CNBD1: variants seen among roughly 807,000 people sequenced by gnomAD.
CNBD1 encodes the protein cyclic nucleotide binding domain containing 1, also known as cyclic nucleotide-binding domain-containing protein 1.
CNBD1 carries 71 observed loss-of-function variants against 54.4 expected under a neutral mutation model. The observed-to-expected ratio is 1.30, with a 90% CI of 1.08 to 1.59. CNBD1 has a LOEUF of 1.59. CNBD1 is among the 40% of genes most tolerant of loss of function. CNBD1 has a pLI of 0.00. For missense variants in CNBD1, 659 were observed against 518.0 expected (o/e 1.27, Z -2.64); for synonymous variants, 182 against 170.7 (o/e 1.07, Z -0.51).
chr8:87,354,568 C>T (rs1473286526), intron 10 of CNBD1, among the ~76,000 whole-genome samples: 1 of 151,890 alleles, frequency 6.6e-6, no homozygotes, highest in African/African-American at 2.4e-5. Context: ...CCCCCCACCC[C>T]ACAACTGTCC....
intron 2 of CNBD1, among the ~76,000 whole-genome samples, chr8:87,425,705 A>G (rs1390591853): frequency 6.7e-6 from 1 of 149,954 alleles, no homozygotes; most frequent in Non-Finnish European, 1.5e-5. Context: ...TGCTGGGAGA[A>G]CCACTGCTCT....
rs138570652 is a variant in CNBD1 at position 87,022,697 on chromosome 8, G to A, written c.431+82943G>A. 2.4e-3 allele frequency among the ~76,000 whole-genome samples: 364 copies of A among 152,194 alleles called. 1 individual carries two copies. Among genetic ancestry groups the A allele is most frequent in the Middle Eastern group, 0.02 (6 of 294 alleles). On this transcript the variant is annotated intron_variant, in intron 4 of 10. Coordinates refer to ENST00000518476, the MANE Select transcript of CNBD1 (RefSeq NM_173538.3). ...TGTAACCACTATTACTGAAACCATG[G>A]TAATGAAATCATCTTTGTTAGAATT...
chr8:87,021,620 C>G (rs1163733648), intron 4 of CNBD1, among the ~76,000 whole-genome samples: 1 of 152,192 alleles, frequency 6.6e-6, no homozygotes, highest in African/African-American at 2.4e-5. Context: ...TACCTGGAGA[C>G]ACTTTTTCTT....
intron 1 of CNBD1, among the ~76,000 whole-genome samples, chr8:86,877,757 C>A (rs1808545821): frequency 6.6e-6 from 1 of 151,982 alleles, no homozygotes; most frequent in Non-Finnish European, 1.5e-5. Flanking sequence ...AGTATTATTG[C>A]ATTATATCTT....
intron 3 of CNBD1, among the ~76,000 whole-genome samples, chr8:86,915,267 CA>C (rs146806846): frequency 0.017 from 2,532 of 152,074 alleles, 70 homozygotes; most frequent in African/African-American, 0.056. Flanking sequence ...ACTGGACATG[CA>C]AAAAGCCTGA....
At chr8:87,342,996 C>G (rs9297305) in intron 8 of CNBD1, among the ~76,000 whole-genome samples, 1 of 152,064 alleles carries the variant, frequency 6.6e-6, no homozygotes, top group East Asian at 1.9e-4. Flanking sequence ...GTCCTTCTCT[C>G]GACTGCATAA....
At chr8:87,089,177 A>T (rs957680702) in intron 4 of CNBD1, among the ~76,000 whole-genome samples, 4 of 152,164 alleles carry the variant, frequency 2.6e-5, no homozygotes, top group Non-Finnish European at 4.4e-5. Context: ...AGTGAAGTCA[A>T]TGGAATTAGA....
At chr8:87,070,777 A>T (rs1022104219) in intron 4 of CNBD1, among the ~76,000 whole-genome samples, 2 of 152,110 alleles carry the variant, frequency 1.3e-5, no homozygotes, top group Non-Finnish European at 2.9e-5. Flanking sequence ...TAACCCAAGC[A>T]GTAAATATTT....
At chr8:86,936,081 G>A (rs937175946) in intron 3 of CNBD1, among the ~76,000 whole-genome samples, 3 of 152,108 alleles carry the variant, frequency 2.0e-5, no homozygotes, top group African/African-American at 7.2e-5. Context: ...AGAGGTTGCA[G>A]TGAGCTGAGA....
chr8:86,964,085 A>T (rs1161915767), intron 4 of CNBD1, among the ~76,000 whole-genome samples: 1 of 5,822 alleles, frequency 1.7e-4, no homozygotes, highest in Non-Finnish European at 3.4e-4. Context: ...GGCCACTTCC[A>T]GAGGTCCTCT....
chr8:87,050,818 G>A (rs1460741286), intron 4 of CNBD1, among the ~76,000 whole-genome samples: 1 of 152,162 alleles, frequency 6.6e-6, no homozygotes, highest in African/African-American at 2.4e-5. Context: ...ATGTTGCAGG[G>A]GCTGTTGCAG....
At position 87,057,707 on chromosome 8, in the gene CNBD1, G is replaced by A. The variant is rs552846111; in HGVS notation, c.431+117953G>A. Among the ~76,000 whole-genome samples, 270 of 152,140 alleles carry A rather than the reference G, an allele frequency of 1.8e-3. 1 individual carries two copies. Among genetic ancestry groups the A allele is most frequent in the African/African-American group, 6.0e-3 (247 of 41,504 alleles). On this transcript the variant is annotated intron_variant, in intron 4 of 10. Transcript: ENST00000518476. ...CTACTAATAATACAAAAATTAGCTG[G>A]GCATGGTGGTACATACCTGTAATCC...
intron 4 of CNBD1, among the ~76,000 whole-genome samples, chr8:87,003,889 T>A (rs767366034): frequency 6.6e-6 from 1 of 152,094 alleles, no homozygotes; most frequent in Non-Finnish European, 1.5e-5. Context: ...TACTCTGGAT[T>A]CTCCTTTCTC....
intron 8 of CNBD1, among the ~76,000 whole-genome samples, chr8:87,290,873 G>C (rs1202526117): frequency 6.6e-6 from 1 of 152,050 alleles, no homozygotes; most frequent in Non-Finnish European, 1.5e-5. Flanking sequence ...CAAGGCTTTT[G>C]CTTGCTGGTT....
In CNBD1 at chr8:86,986,492, G is replaced by A. The variant is rs560291936; in HGVS notation, c.431+46738G>A. Among the ~76,000 whole-genome samples, 86 of 151,830 alleles carry A rather than the reference G, an allele frequency of 5.7e-4. 1 individual carries two copies. The highest frequency in any genetic ancestry group is 1.5e-3 in the African/African-American group (62 of 41,290). On this transcript the variant is annotated intron_variant, in intron 4 of 10. Coordinates refer to ENST00000518476, the MANE Select transcript of CNBD1 (RefSeq NM_173538.3). The stretch of plus-strand genomic sequence containing the variant: ...GTTTACTCTTTTAGTAGTTTCTTAC[G>A]CTGTGCAGAAGCTCTTTAATTTAAT...
intron 4 of CNBD1, among the ~76,000 whole-genome samples, chr8:87,050,084 C>G (rs1224000317): frequency 1.3e-5 from 2 of 152,118 alleles, no homozygotes; most frequent in Non-Finnish European, 2.9e-5. Context: ...ATTTTTGGGC[C>G]TCAGATTCCC....
intron 8 of CNBD1, among the ~76,000 whole-genome samples, chr8:87,322,639 T>G (rs1419289736): frequency 1.1e-5 from 1 of 89,142 alleles, no homozygotes; most frequent in East Asian, 2.5e-4. Flanking sequence ...TCGCCCACTT[T>G]TTGATGGGGT....
intron 4 of CNBD1, among the ~76,000 whole-genome samples, chr8:87,068,298 A>C (rs1008916430): frequency 6.6e-6 from 1 of 152,060 alleles, no homozygotes; most frequent in Non-Finnish European, 1.5e-5. Context: ...TGGATCTAAT[A>C]AAATTTTAGG....
intron 6 of CNBD1, among the ~76,000 whole-genome samples, chr8:87,275,510 C>T (rs1563534180): frequency 7.0e-6 from 1 of 141,848 alleles, no homozygotes; most frequent in Admixed American, 7.2e-5. Context: ...AGGCCTTTGA[C>T]AAAATTCAAC....
Sources: gnomAD v4.1 joint callset for allele counts (sites outside exome capture counted in the v4.1 genomes callset) on GRCh38, gnomAD v4.1.1 for gene constraint, MANE v1.5 for transcripts, NCBI Gene and HGNC (gene_info 2026-07-23, HGNC 2026-07-21) for gene names.